The following PDE6D variants were observed in gnomAD, a reference collection of about 807,000 sequenced individuals.
PDE6D encodes phosphodiesterase 6D, also known as retinal rod rhodopsin-sensitive cGMP 3',5'-cyclic phosphodiesterase subunit delta.
Under a neutral mutation model 21.9 loss-of-function variants are expected in PDE6D, and 10 were observed. The ratio of observed to expected loss-of-function variants is 0.46; its 90% CI spans 0.28 to 0.78. The LOEUF (loss-of-function observed/expected upper bound fraction) is 0.78. Ranked by LOEUF, PDE6D falls within the 30% of genes least tolerant of loss-of-function variation. The pLI is 0.12. For synonymous variants in PDE6D, 59 were observed against 63.5 expected (o/e 0.93, Z 0.34); for missense variants, 139 against 184.8 (o/e 0.75, Z 1.44).
At chr2:231,734,297 C>T (rs2048677881) in intron 4 of PDE6D, among the ~76,000 whole-genome samples, 1 of 151,916 alleles carries the variant, frequency 6.6e-6, no homozygotes. Flanking sequence ...GATCTTTCAA[C>T]TTTATAGTGG....
chr2:231,745,852 G>A (rs1037378122), intron 1 of PDE6D, among the ~76,000 whole-genome samples: 3 of 152,096 alleles, frequency 2.0e-5, no homozygotes, highest in African/African-American at 7.2e-5. Flanking sequence ...GCTGGAGCTG[G>A]GGGCAGACTT....
chr2:231,760,891 C>T (rs2106278636), intron 1 of PDE6D, among the ~76,000 whole-genome samples: 1 of 152,306 alleles, frequency 6.6e-6, no homozygotes, highest in African/African-American at 2.4e-5. Flanking sequence ...CTCAGCCAAG[C>T]TCTCCAGAAA....
At chr2:231,767,473 G>A (rs1197751461) in intron 1 of PDE6D, among the ~76,000 whole-genome samples, 4 of 151,912 alleles carry the variant, frequency 2.6e-5, no homozygotes, top group African/African-American at 4.8e-5. Flanking sequence ...CCGCCACCAC[G>A]CCTGGCTAAT....
intron 2 of PDE6D, 123 bp from the exon 3 acceptor site, chr2:231,738,261 G>T: frequency 2.2e-6 from 2 of 927,514 alleles, no homozygotes; most frequent in South Asian, 1.7e-5. Context: ...CTGATTTAGA[G>T]AACACTTTCT....
chr2:231,778,169 G>C (rs2049071902), intron 1 of PDE6D, among the ~76,000 whole-genome samples: 1 of 152,200 alleles, frequency 6.6e-6, no homozygotes, highest in African/African-American at 2.4e-5. Context: ...AGGAGGCTGA[G>C]GCAGGAGAAT....
intron 1 of PDE6D, among the ~76,000 whole-genome samples, chr2:231,747,494 T>C (rs2048803665): frequency 6.6e-6 from 1 of 152,232 alleles, no homozygotes; most frequent in Admixed American, 6.5e-5. Flanking sequence ...GTAAGCCATG[T>C]GTTAGCTATT....
rs1330293007 is a variant in PDE6D, at chr2:231,781,260, T to TC, written c.-147dup. 3.0e-6 allele frequency: 2 copies of TC among 668,096 alleles called. No individual in the cohort carries two copies. Among genetic ancestry groups the TC allele is most frequent in the East Asian group, 2.9e-5 (1 of 34,638 alleles). 41.4% of individuals were successfully genotyped at this position (668,096 alleles called of 1,614,324 possible). ...GGCCAGACCAGGACCGGCCTCTCTCTCCCCTCAGCTCCCGCTTCTGATCCC... is the reference window on the plus strand; with the variant it reads ...GGCCAGACCAGGACCGGCCTCTCTCTCCCCCTCAGCTCCCGCTTCTGATCCC... On this transcript the variant is annotated 5_prime_UTR_variant, in exon 1 of 5. Coordinates refer to ENST00000287600, the MANE Select transcript of PDE6D (RefSeq NM_002601.4).
intron 1 of PDE6D, among the ~76,000 whole-genome samples, chr2:231,740,350 T>C (rs1386586903): frequency 1.3e-5 from 2 of 151,742 alleles, no homozygotes; most frequent in Non-Finnish European, 2.9e-5. Context: ...AAAGACAAAA[T>C]TGAAGAAAGC....
intron 1 of PDE6D, among the ~76,000 whole-genome samples, chr2:231,749,624 C>T (rs1264603054): frequency 1.3e-5 from 2 of 151,796 alleles, no homozygotes; most frequent in Admixed American, 6.6e-5. Context: ...CTCTGCCTCC[C>T]GGGTTCAAGT....
intron 1 of PDE6D, among the ~76,000 whole-genome samples, chr2:231,755,166 TCA>T (rs973642338): frequency 4.6e-5 from 7 of 152,222 alleles, no homozygotes; most frequent in African/African-American, 1.7e-4. Context: ...TACGCTGATC[TCA>T]GACTTCCAAC....
intron 3 of PDE6D, 57 bp from the exon 4 acceptor site, chr2:231,737,349 C>T: frequency 1.1e-6 from 1 of 874,356 alleles, no homozygotes; most frequent in Non-Finnish European, 1.9e-6. Flanking sequence ...AGTTTAAGGG[C>T]TCTTTGTCTC....
At chr2:231,780,962 T>C in intron 1 of PDE6D, 103 bp downstream of exon 1, 2 of 1,064,338 alleles carry the variant, frequency 1.9e-6, no homozygotes, top group Non-Finnish European at 2.8e-6. Flanking sequence ...GCGGCCCTTC[T>C]TCTGTGGGGC....
chr2:231,756,307 C>T (rs756141324), intron 1 of PDE6D, among the ~76,000 whole-genome samples: 5 of 152,150 alleles, frequency 3.3e-5, no homozygotes, highest in Admixed American at 6.5e-5. Flanking sequence ...CATCATATAC[C>T]ATTGAAGTTT....
Position 231,738,071 on chromosome 2 carries a change from T to A in PDE6D, c.207A>T (p.Glu69Asp). 6.2e-7 allele frequency: 1 copy of A among 1,614,040 alleles called. No homozygotes were observed. Among genetic ancestry groups the A allele is most frequent in the Non-Finnish European group, 8.5e-7 (1 of 1,179,876 alleles). Residue 69 changes from glutamate to aspartate, a missense_variant, in exon 3 of 5, where the codon GAA becomes GAT. Transcript: ENST00000287600. ...GTTCCAGGCGGAATTTTTCCATTTGTTCTGTCGAAGAAAAATTAAGTTCTC... is the reference window on the plus strand; with the variant it reads ...GTTCCAGGCGGAATTTTTCCATTTGATCTGTCGAAGAAAAATTAAGTTCTC... ...VSRELNFSSTEQMEKFRLEQK... is the reference protein window; with the variant it reads ...VSRELNFSSTDQMEKFRLEQK...
intron 1 of PDE6D, among the ~76,000 whole-genome samples, chr2:231,770,604 G>T (rs572824330): frequency 3.9e-5 from 6 of 152,242 alleles, no homozygotes; most frequent in African/African-American, 1.4e-4. Context: ...GATCACTTGA[G>T]CCCAAGAGTT....
intron 1 of PDE6D, among the ~76,000 whole-genome samples, chr2:231,776,388 A>G (rs1032840014): frequency 1.3e-5 from 2 of 151,970 alleles, no homozygotes; most frequent in Admixed American, 6.6e-5. Context: ...GAAAGTAACT[A>G]TCTTTGGAAA....
At chr2:231,741,255 T>C (rs2048747318) in intron 1 of PDE6D, among the ~76,000 whole-genome samples, 1 of 150,004 alleles carries the variant, frequency 6.7e-6, no homozygotes, top group African/African-American at 2.5e-5. Flanking sequence ...CAAATCAGAA[T>C]AGGAAAAAAA....
chr2:231,735,008 C>G (rs1312837783), intron 4 of PDE6D, among the ~76,000 whole-genome samples: 1 of 148,946 alleles, frequency 6.7e-6, no homozygotes, highest in Non-Finnish European at 1.5e-5. Context: ...TTTGGGAGGC[C>G]GAGGCGGGCG....
intron 1 of PDE6D, among the ~76,000 whole-genome samples, chr2:231,743,090 T>C (rs557872908): frequency 1.3e-5 from 2 of 152,264 alleles, no homozygotes; most frequent in Admixed American, 1.3e-4. Context: ...AACACTATAT[T>C]TTACCCTCTG....
Sources: allele counts gnomAD v4.1 joint callset (sites outside exome capture counted in the v4.1 genomes callset), GRCh38; gene constraint gnomAD v4.1.1; transcripts MANE v1.5; gene names NCBI Gene and HGNC (gene_info 2026-07-23, HGNC 2026-07-21).